RPA3: variants seen among roughly 807,000 people sequenced by gnomAD.
RPA3 encodes the protein replication protein A 14 kDa subunit.
In RPA3, 24 loss-of-function variants were observed where a neutral mutation model predicts 13.7. That is an observed-to-expected ratio of 1.75 (90% CI 1.27 to 2.46). The LOEUF (loss-of-function observed/expected upper bound fraction) is 2.46, where lower values mean the gene tolerates loss of function less well. Among genes scored for constraint, RPA3 ranks in the 30% most tolerant of loss-of-function variants. The probability of loss-of-function intolerance (pLI) is 0.00; values close to 1 mark genes in which losing one functional copy is unlikely to be tolerated. For missense variants in RPA3, 183 were observed against 151.0 expected (o/e 1.21, Z -1.11); for synonymous variants, 59 against 51.2 (o/e 1.15, Z -0.65).
intron 5 of RPA3, chr7:7,640,086 C>T (rs1022570846): frequency 1.8e-6 from 1 of 546,200 alleles, no homozygotes; most frequent in Non-Finnish European, 3.3e-6. Context: ...ACGGAGGCGA[C>T]GGGCACTGGA....
At chr7:7,655,736 A>T (rs1785325024) in intron 4 of RPA3, among the ~76,000 whole-genome samples, 1 of 152,228 alleles carries the variant, frequency 6.6e-6, no homozygotes, top group Non-Finnish European at 1.5e-5. Context: ...AGGAGTGTTA[A>T]ATTAGAGGAC....
At chr7:7,693,309 A>G (rs1459865977) in intron 2 of RPA3, among the ~76,000 whole-genome samples, 2 of 151,808 alleles carry the variant, frequency 1.3e-5, no homozygotes, top group Non-Finnish European at 2.9e-5. Flanking sequence ...CTATCTATCT[A>G]TCTATCTATC....
intron 2 of RPA3, among the ~76,000 whole-genome samples, chr7:7,710,025 C>T (rs934759918): frequency 1.3e-5 from 2 of 152,000 alleles, no homozygotes; most frequent in Admixed American, 1.3e-4. Flanking sequence ...ATATATAAAT[C>T]GAGTCACTCA....
chr7:7,662,279 T>C (rs1785493473), intron 4 of RPA3, among the ~76,000 whole-genome samples: 1 of 152,182 alleles, frequency 6.6e-6, no homozygotes, highest in South Asian at 2.1e-4. Flanking sequence ...GCTAGACCAC[T>C]TGGCTCCCTG....
At chr7:7,690,329 G>T (rs1294984441) in intron 2 of RPA3, among the ~76,000 whole-genome samples, 1 of 151,816 alleles carries the variant, frequency 6.6e-6, no homozygotes, top group African/African-American at 2.4e-5. Context: ...AAGTGTATAT[G>T]TTTCCTTTTA....
chr7:7,680,612 C>T (rs1029292170), intron 4 of RPA3, among the ~76,000 whole-genome samples: 2 of 151,988 alleles, frequency 1.3e-5, no homozygotes, highest in African/African-American at 4.8e-5. Context: ...TGCATTGAAT[C>T]TGTAGATTGT....
intron 2 of RPA3, among the ~76,000 whole-genome samples, chr7:7,714,944 A>G (rs1337502340): frequency 6.6e-6 from 1 of 151,110 alleles, no homozygotes; most frequent in Non-Finnish European, 1.5e-5. Context: ...ACTAGAATTA[A>G]ACAACAACAA....
In RPA3 at chr7:7,715,156, T is replaced by C. The variant is rs1162371460; in HGVS notation, c.-1028+19A>G. 6.6e-6 allele frequency: 1 copy of C among 152,090 alleles called. No individual in the cohort carries two copies. The highest frequency in any genetic ancestry group is 2.4e-5 in the African/African-American group (1 of 41,414). 9.4% of individuals were successfully genotyped at this position (152,090 alleles called of 1,614,324 possible). ...ATATGCACCTTCAGCATAGAAACAGTTAAAGAAAATAAACTTACCTGAAAC... is the reference window on the plus strand; with the variant it reads ...ATATGCACCTTCAGCATAGAAACAGCTAAAGAAAATAAACTTACCTGAAAC... On this transcript the variant is annotated intron_variant, in intron 2 of 7. Coordinates refer to ENST00000223129, the MANE Select transcript of RPA3 (RefSeq NM_002947.5).
intron 4 of RPA3, among the ~76,000 whole-genome samples, chr7:7,654,638 C>T (rs1205901241): frequency 1.3e-5 from 2 of 152,154 alleles, no homozygotes; most frequent in African/African-American, 2.4e-5. Flanking sequence ...TGCGGTGGCT[C>T]ATGCTTGTAA....
chr7:7,707,255 C>A (rs371312698), intron 2 of RPA3, among the ~76,000 whole-genome samples: 76 of 152,232 alleles, frequency 5.0e-4, no homozygotes, highest in African/African-American at 1.8e-3. Context: ...TGTCTGCCTA[C>A]AATATTAATA....
At chr7:7,669,752 C>G (rs1277576889) in intron 4 of RPA3, among the ~76,000 whole-genome samples, 1 of 152,132 alleles carries the variant, frequency 6.6e-6, no homozygotes, top group East Asian at 1.9e-4. Context: ...GTGATAGACA[C>G]GAGGGTGACT....
At chr7:7,703,515 T>G (rs1028834622) in intron 2 of RPA3, among the ~76,000 whole-genome samples, 2 of 152,234 alleles carry the variant, frequency 1.3e-5, no homozygotes, top group African/African-American at 4.8e-5. Context: ...ATAAACATCT[T>G]TTTGTAACCT....
chr7:7,677,936 G>A (rs1779790407), intron 4 of RPA3, among the ~76,000 whole-genome samples: 1 of 151,874 alleles, frequency 6.6e-6, no homozygotes, highest in Admixed American at 6.6e-5. Context: ...GCCTCCCAAA[G>A]TGCTGGGATT....
At chr7:7,656,257 A>T (rs1191127422) in intron 4 of RPA3, among the ~76,000 whole-genome samples, 2 of 152,216 alleles carry the variant, frequency 1.3e-5, no homozygotes, top group Non-Finnish European at 2.9e-5. Context: ...AAGGAGAAAA[A>T]AGAACAATGT....
chr7:7,693,815 A>G (rs1458328274), intron 2 of RPA3, among the ~76,000 whole-genome samples: 4 of 152,200 alleles, frequency 2.6e-5, no homozygotes, highest in African/African-American at 7.2e-5. Flanking sequence ...AACTCTAATC[A>G]TATTAACACT....
chr7:7,667,873 C>G (rs1284626431), intron 4 of RPA3, among the ~76,000 whole-genome samples: 2 of 152,280 alleles, frequency 1.3e-5, no homozygotes, highest in Middle Eastern at 3.4e-3. Flanking sequence ...AGATTGTGCT[C>G]TACTCTACTA....
At chr7:7,683,194 C>T (rs577257695) in intron 4 of RPA3, among the ~76,000 whole-genome samples, 1 of 152,248 alleles carries the variant, frequency 6.6e-6, no homozygotes, top group East Asian at 1.9e-4. Flanking sequence ...ATTTAGTTGA[C>T]TCAAACGTAA....
intron 4 of RPA3, among the ~76,000 whole-genome samples, chr7:7,648,024 C>T (rs781710035): frequency 1.4e-4 from 22 of 152,184 alleles, no homozygotes; most frequent in Admixed American, 9.2e-4. Context: ...GGAGACAAGA[C>T]CCATGGGCTT....
At chr7:7,657,944 G>T (rs1034147434) in intron 4 of RPA3, among the ~76,000 whole-genome samples, 2 of 152,178 alleles carry the variant, frequency 1.3e-5, no homozygotes, top group Non-Finnish European at 2.9e-5. Flanking sequence ...CTATCCATGA[G>T]CATGGAATGT....
Sources: gnomAD v4.1 joint callset for allele counts (sites outside exome capture counted in the v4.1 genomes callset) on GRCh38, gnomAD v4.1.1 for gene constraint, MANE v1.5 for transcripts, NCBI Gene and HGNC (gene_info 2026-07-23, HGNC 2026-07-21) for gene names.